Variants in TCF12 observed in about 807,000 individuals in gnomAD.
TCF12 encodes the protein transcription factor 12, also known as DNA-binding protein HTF4.
In TCF12, 45 loss-of-function variants were observed where a neutral mutation model predicts 86.0. The ratio of observed to expected loss-of-function variants is 0.52; its 90% confidence interval spans 0.41 to 0.67. The LOEUF is 0.67. Among genes scored for constraint, TCF12 ranks in the 30% least tolerant of loss-of-function variants. The probability of loss-of-function intolerance (pLI) is 0.00; values close to 1 mark genes in which losing one functional copy is unlikely to be tolerated. For missense variants in TCF12, 881 were observed against 859.9 expected, an observed-to-expected ratio of 1.02 and a Z score of -0.31; for synonymous variants, 330 against 299.6, an observed-to-expected ratio of 1.10 and a Z score of -1.05.
At chr15:57,227,615 A>G (rs547501628) in intron 8 of TCF12, among the ~76,000 whole-genome samples, 3 of 152,274 alleles carry the variant, frequency 2.0e-5, no homozygotes, top group East Asian at 3.9e-4. Flanking sequence ...GTTGTTTTCA[A>G]CAGACTTAAT....
chr15:56,950,777 T>TTTG, intron 3 of TCF12, among the ~76,000 whole-genome samples: 1 of 99,812 alleles, frequency 1.0e-5, no homozygotes, highest in Non-Finnish European at 1.9e-5. Flanking sequence ...TTTTTTTAAG[T>TTTG]TAGAGTTTTG....
At chr15:56,931,035 A>C (rs1465611057) in intron 3 of TCF12, among the ~76,000 whole-genome samples, 1 of 152,018 alleles carries the variant, frequency 6.6e-6, no homozygotes, top group Non-Finnish European at 1.5e-5. Flanking sequence ...TATTATGGAG[A>C]TCTGTCTCTC....
chr15:57,150,873 CCCTTCCTT>C (rs374734642), intron 5 of TCF12, among the ~76,000 whole-genome samples: 1,130 of 40,622 alleles, frequency 0.028, 26 homozygotes, highest in Admixed American at 0.077. Context: ...CCCCCTCTGT[CCCTTCCTT>C]CCTTCCTTCC....
chr15:57,105,927 T>A (rs1380423079), intron 5 of TCF12, among the ~76,000 whole-genome samples: 1 of 152,226 alleles, frequency 6.6e-6, no homozygotes, highest in Non-Finnish European at 1.5e-5. Flanking sequence ...AAGTGGTTGA[T>A]TACTGTCAGC....
At position 56,972,859 on chromosome 15, in the gene TCF12, C is replaced by G. The variant is rs1353260989; in HGVS notation, c.148+51761C>G. 9.2e-5 allele frequency among the ~76,000 whole-genome samples: 14 copies of G among 152,238 alleles called. No homozygotes were observed. The South Asian group carries it at 1.2e-3, about 14-fold the overall frequency. On this transcript the variant is annotated intron_variant, in intron 3 of 20. Transcript: ENST00000333725. Reference sequence around the variant, plus strand: ...TAGTTATGGAGGGGAGGGGAACAGACTAACACAACTTTTGAACACAGTGTT... The same window carrying G: ...TAGTTATGGAGGGGAGGGGAACAGAGTAACACAACTTTTGAACACAGTGTT...
rs768046499 is a variant in TCF12 at position 57,287,975 on chromosome 15, A to G, written c.*1830A>G. 1.3e-5 allele frequency: 2 copies of G among 152,626 alleles called. No homozygotes were observed. Among genetic ancestry groups the G allele is most frequent in the Non-Finnish European group, 2.9e-5 (2 of 68,028 alleles). 9.5% of individuals were successfully genotyped at this position (152,626 alleles called of 1,614,324 possible). On this transcript the variant is annotated 3_prime_UTR_variant, in exon 21 of 21. Coordinates refer to ENST00000333725, the MANE Select transcript of TCF12 (RefSeq NM_207037.2). ...CAGAGCTTGTTGTCTTTTTCGCTATATTAGACTTTGCAGTATGCCCAGAAG... is the reference window on the plus strand; with the variant it reads ...CAGAGCTTGTTGTCTTTTTCGCTATGTTAGACTTTGCAGTATGCCCAGAAG...
intron 3 of TCF12, among the ~76,000 whole-genome samples, chr15:56,957,196 TGTC>T (rs2061538647): frequency 6.6e-6 from 1 of 152,238 alleles, no homozygotes; most frequent in Non-Finnish European, 1.5e-5. Flanking sequence ...GCCAATTTCT[TGTC>T]GTTATGAATT....
At chr15:57,255,791 C>T (rs1401701735) in intron 16 of TCF12, among the ~76,000 whole-genome samples, 1 of 150,594 alleles carries the variant, frequency 6.6e-6, no homozygotes, top group Non-Finnish European at 1.5e-5. Flanking sequence ...CAGAGATATT[C>T]GTAAAAAGAA....
At chr15:57,230,641 C>T (rs1261577056) in intron 8 of TCF12, among the ~76,000 whole-genome samples, 2 of 151,988 alleles carry the variant, frequency 1.3e-5, no homozygotes, top group African/African-American at 4.8e-5. Flanking sequence ...TAAGGAAGTT[C>T]CTGAACAATT....
intron 5 of TCF12, among the ~76,000 whole-genome samples, chr15:57,120,951 A>T (rs1229433390): frequency 2.0e-5 from 3 of 152,186 alleles, no homozygotes; most frequent in African/African-American, 7.2e-5. Context: ...TCTGCACTCT[A>T]GCCTGGGTGA....
Position 57,197,753 on chromosome 15 carries a change from G to A in TCF12, c.527-20G>A, listed in dbSNP as rs752085976. 4 of 1,612,948 alleles carry A rather than the reference G, an allele frequency of 2.5e-6. No homozygotes were observed. Among genetic ancestry groups the A allele is most frequent in the East Asian group, 2.2e-5 (1 of 44,856 alleles). ...TTCTGGTATATTATGCTGAAGAAATGTATTGTTTTCCATCTGCAGATCCCT... is the reference window on the plus strand; with the variant it reads ...TTCTGGTATATTATGCTGAAGAAATATATTGTTTTCCATCTGCAGATCCCT... On this transcript the variant is annotated intron_variant, in intron 7 of 20. Coordinates refer to ENST00000333725, the MANE Select transcript of TCF12 (RefSeq NM_207037.2).
intron 19 of TCF12, among the ~76,000 whole-genome samples, chr15:57,275,758 G>A (rs1342030979): frequency 2.0e-5 from 3 of 152,048 alleles, no homozygotes; most frequent in Non-Finnish European, 4.4e-5. Context: ...GATTTGGGAT[G>A]ATGCTGCAAG....
At chr15:57,106,429 A>G (rs2050136171) in intron 5 of TCF12, among the ~76,000 whole-genome samples, 1 of 152,250 alleles carries the variant, frequency 6.6e-6, no homozygotes, top group South Asian at 2.1e-4. Flanking sequence ...GTTTGTTTAA[A>G]AAATAGTAGG....
intron 5 of TCF12, 88 bp downstream of exon 5, chr15:57,091,979 A>G (rs2049021335): frequency 9.6e-7 from 1 of 1,046,618 alleles, no homozygotes; most frequent in African/African-American, 1.6e-5. Context: ...GGGACAGGTA[A>G]GTATCTAGAA....
intron 3 of TCF12, among the ~76,000 whole-genome samples, chr15:57,060,852 A>C (rs531690853): frequency 6.6e-6 from 1 of 152,224 alleles, no homozygotes; most frequent in South Asian, 2.1e-4. Flanking sequence ...AAGCTTTGGA[A>C]AGTTTATTAT....
intron 5 of TCF12, among the ~76,000 whole-genome samples, chr15:57,104,464 T>TG (rs1189109405): frequency 9.8e-5 from 10 of 102,034 alleles, no homozygotes; most frequent in Non-Finnish European, 6.4e-5. Context: ...TTTTTTGAGA[T>TG]GGAGTCTTTT....
intron 3 of TCF12, among the ~76,000 whole-genome samples, chr15:56,972,064 T>C (rs1017975310): frequency 6.6e-6 from 1 of 152,242 alleles, no homozygotes; most frequent in African/African-American, 2.4e-5. Context: ...AGGTGAATTA[T>C]AGGGTATATG....
chr15:57,220,911 C>G (rs1383142316), intron 8 of TCF12, among the ~76,000 whole-genome samples: 4 of 152,074 alleles, frequency 2.6e-5, no homozygotes. Context: ...GAGAGGGGAG[C>G]ATTTTTAATG....
At chr15:57,051,618 C>T (rs1041892481) in intron 3 of TCF12, among the ~76,000 whole-genome samples, 23 of 152,132 alleles carry the variant, frequency 1.5e-4, no homozygotes, top group Non-Finnish European at 7.3e-5. Flanking sequence ...GGCACCACGC[C>T]CAGCCTATTT....
Sources: allele counts gnomAD v4.1 joint callset (sites outside exome capture counted in the v4.1 genomes callset), GRCh38; gene constraint gnomAD v4.1.1; transcripts MANE v1.5; gene names NCBI Gene and HGNC (gene_info 2026-07-23, HGNC 2026-07-21).